The following PLPPR5 variants were observed in gnomAD, a reference collection of about 807,000 sequenced individuals.
PLPPR5 encodes the protein phospholipid phosphatase related 5.
PLPPR5 carries 16 observed loss-of-function variants against 33.9 expected under a neutral mutation model. The ratio of observed to expected loss-of-function variants is 0.47; its 90% confidence interval spans 0.32 to 0.72. The LOEUF is 0.72. Among genes scored for constraint, PLPPR5 ranks in the 30% least tolerant of loss-of-function variants. PLPPR5 has a pLI of 0.03. For synonymous variants in PLPPR5, 163 were observed against 150.3 expected, an observed-to-expected ratio of 1.08 and a Z score of -0.62; for missense variants, 301 against 406.7, an observed-to-expected ratio of 0.74 and a Z score of 2.23.
intron 5 of PLPPR5, among the ~76,000 whole-genome samples, chr1:98,900,219 C>T (rs1648642977): frequency 6.6e-6 from 1 of 152,142 alleles, no homozygotes; most frequent in African/African-American, 2.4e-5. Context: ...TAAGATCAAT[C>T]TTTAACAGCA....
intron 5 of PLPPR5, among the ~76,000 whole-genome samples, chr1:98,894,891 A>G (rs1251422252): frequency 6.6e-6 from 1 of 152,094 alleles, no homozygotes; most frequent in African/African-American, 2.4e-5. Flanking sequence ...ACAGAAATAG[A>G]GGAAAAACCA....
chr1:98,984,505 T>C (rs1652185007), intron 1 of PLPPR5, among the ~76,000 whole-genome samples: 1 of 152,056 alleles, frequency 6.6e-6, no homozygotes, highest in South Asian at 2.1e-4. Context: ...ATGTTCCAGG[T>C]GAACAACACA....
chr1:98,931,999 T>G (rs752456772), intron 3 of PLPPR5, among the ~76,000 whole-genome samples: 84 of 152,134 alleles, frequency 5.5e-4, no homozygotes, highest in Non-Finnish European at 1.0e-3. Context: ...TGCGTGCTTA[T>G]GTGCACCCAT....
intron 1 of PLPPR5, among the ~76,000 whole-genome samples, chr1:98,963,945 G>A (rs1273362929): frequency 6.6e-6 from 1 of 152,150 alleles, no homozygotes; most frequent in Non-Finnish European, 1.5e-5. Flanking sequence ...TCACTGAAAT[G>A]TCTTCATGTC....
chr1:98,909,089 A>G (rs552559062), intron 5 of PLPPR5, among the ~76,000 whole-genome samples: 1 of 152,062 alleles, frequency 6.6e-6, no homozygotes, highest in African/African-American at 2.4e-5. Context: ...AGGAAAGAAG[A>G]AAGGAAGGAA....
chr1:98,932,254 T>C (rs1650003151), intron 3 of PLPPR5, among the ~76,000 whole-genome samples: 1 of 152,202 alleles, frequency 6.6e-6, no homozygotes, highest in Non-Finnish European at 1.5e-5. Context: ...ACAACATGGG[T>C]TAAATAGGCT....
chr1:98,932,223 G>A (rs745320079), intron 3 of PLPPR5, among the ~76,000 whole-genome samples: 28 of 152,262 alleles, frequency 1.8e-4, no homozygotes, highest in Non-Finnish European at 3.7e-4. Flanking sequence ...GGTAGTCCAC[G>A]ATTAATAATA....
intron 1 of PLPPR5, among the ~76,000 whole-genome samples, chr1:98,976,317 T>C (rs984028627): frequency 1.3e-5 from 2 of 152,038 alleles, no homozygotes; most frequent in Admixed American, 1.3e-4. Flanking sequence ...TATTTTCACA[T>C]CCTTCTCTAT....
At chr1:98,946,898 TTA>T (rs1290719909) in intron 3 of PLPPR5, among the ~76,000 whole-genome samples, 1 of 152,196 alleles carries the variant, frequency 6.6e-6, no homozygotes, top group Admixed American at 6.5e-5. Context: ...TGTATAACAT[TTA>T]TATATTATTT....
intron 1 of PLPPR5, among the ~76,000 whole-genome samples, chr1:98,976,396 G>A (rs1651855476): frequency 6.6e-6 from 1 of 152,082 alleles, no homozygotes; most frequent in South Asian, 2.1e-4. Flanking sequence ...AACAGGTACT[G>A]TAAACCAAGC....
chr1:98,918,067 C>CAT (rs1453514477), intron 4 of PLPPR5, among the ~76,000 whole-genome samples: 2 of 152,166 alleles, frequency 1.3e-5, no homozygotes, highest in East Asian at 3.9e-4. Context: ...ATCATCACTG[C>CAT]ATATATATTT....
intron 3 of PLPPR5, among the ~76,000 whole-genome samples, chr1:98,946,014 A>G (rs1650535141): frequency 6.6e-6 from 1 of 152,168 alleles, no homozygotes; most frequent in Non-Finnish European, 1.5e-5. Flanking sequence ...TTCCTCAGAA[A>G]CTATGACTTT....
At chr1:98,927,030 C>A (rs980764668) in intron 3 of PLPPR5, among the ~76,000 whole-genome samples, 4 of 152,162 alleles carry the variant, frequency 2.6e-5, no homozygotes, top group Admixed American at 2.6e-4. Context: ...CTTTGCCAGA[C>A]AGACCTGTGT....
intron 3 of PLPPR5, among the ~76,000 whole-genome samples, chr1:98,935,034 G>C (rs747538270): frequency 1.3e-5 from 2 of 152,112 alleles, no homozygotes; most frequent in Non-Finnish European, 2.9e-5. Flanking sequence ...ATTCACAGAG[G>C]GGCTTCTGGA....
Position 98,906,663 on chromosome 1 carries a change from A to G in PLPPR5, c.933+8123T>C, listed in dbSNP as rs1648912706. 1.3e-5 allele frequency among the ~76,000 whole-genome samples: 2 copies of G among 152,318 alleles called. 1 individual carries two copies. The highest frequency in any genetic ancestry group is 4.2e-4 in the South Asian group (2 of 4,818). On this transcript the variant is annotated intron_variant, in intron 5 of 5. Transcript: ENST00000263177. ...AGGAAGGAAATAGCTAACAACTGGG[A>G]ACAATACTACTACCTATCACGGAAT... is the stretch of plus-strand genomic sequence containing the variant.
At chr1:98,962,409 T>C (rs1326165796) in intron 1 of PLPPR5, among the ~76,000 whole-genome samples, 6 of 152,142 alleles carry the variant, frequency 3.9e-5, no homozygotes, top group African/African-American at 7.2e-5. Context: ...GCACAAGAGA[T>C]CTTATTCCTT....
At chr1:98,903,942 C>A (rs553248223) in intron 5 of PLPPR5, among the ~76,000 whole-genome samples, 4 of 152,286 alleles carry the variant, frequency 2.6e-5, no homozygotes, top group African/African-American at 9.6e-5. Flanking sequence ...ATAAAATCTA[C>A]AAAAGAGTCA....
Position 98,953,312 on chromosome 1 carries a change from T to C in PLPPR5, c.379A>G (p.Thr127Ala). Residue 127 changes from threonine to alanine, a missense_variant, in exon 3 of 6, where the codon ACA (threonine) becomes GCA (alanine). By Grantham distance (58) the Thr-to-Ala change is moderately conservative. Coordinates refer to ENST00000263177, the MANE Select transcript of PLPPR5 (RefSeq NM_001037317.2). ...RRTVRFLGIY[T>A]FGLFATDIFV... ...ATATCTGTAGCAAACAGTCCAAATG[T>C]ATAAATTCCTGGGGAAGAAAACAAA... The C allele has an allele frequency of 6.2e-7, 1 of 1,613,698 alleles. No individual in the cohort carries two copies. The highest frequency in any genetic ancestry group is 1.1e-5 in the South Asian group (1 of 91,072).
intron 2 of PLPPR5, among the ~76,000 whole-genome samples, chr1:98,954,767 G>T (rs1183494664): frequency 6.6e-6 from 1 of 152,090 alleles, no homozygotes; most frequent in Non-Finnish European, 1.5e-5. Context: ...AAGAGGAAGA[G>T]AAATTAAAGA....
Sources: gnomAD v4.1 joint callset for allele counts (sites outside exome capture counted in the v4.1 genomes callset) on GRCh38, gnomAD v4.1.1 for gene constraint, MANE v1.5 for transcripts, NCBI Gene and HGNC (gene_info 2026-07-23, HGNC 2026-07-21) for gene names.